The following KATNA1 variants were observed in gnomAD, a reference collection of about 807,000 sequenced individuals.
KATNA1 encodes the protein katanin catalytic subunit A1, also known as katanin p60 ATPase-containing subunit A1.
A neutral mutation model predicts 62.6 loss-of-function variants in KATNA1; 42 were observed. The observed-to-expected ratio is 0.67, with a 90% CI of 0.52 to 0.87. The LOEUF (loss-of-function observed/expected upper bound fraction) is 0.87, where lower values mean the gene tolerates loss of function less well. KATNA1 is among the 40% of genes least tolerant of loss of function. The pLI is 0.00. For missense variants in KATNA1, 498 were observed against 612.5 expected (o/e 0.81, Z 1.97); for synonymous variants, 186 against 201.9 (o/e 0.92, Z 0.67).
chr6:149,619,700 T>C (rs1166725300), intron 4 of KATNA1, among the ~76,000 whole-genome samples: 2 of 152,112 alleles, frequency 1.3e-5, no homozygotes, highest in Non-Finnish European at 2.9e-5. Flanking sequence ...TGTAAGATGA[T>C]ATAGCCACTA....
intron 3 of KATNA1, among the ~76,000 whole-genome samples, chr6:149,627,527 C>T (rs1259851339): frequency 1.4e-5 from 1 of 69,582 alleles, no homozygotes; most frequent in Admixed American, 1.6e-4. Context: ...GACTCCATCT[C>T]AAAAAAAAAA....
intron 2 of KATNA1, among the ~76,000 whole-genome samples, chr6:149,637,048 T>C (rs9766886): frequency 0.46 from 69,668 of 151,978 alleles, 17,222 homozygotes; most frequent in East Asian, 0.81. Flanking sequence ...TTTTAAATTT[T>C]TGTTAGTCCT....
intron 2 of KATNA1, among the ~76,000 whole-genome samples, chr6:149,638,049 C>T (rs571015878): frequency 2.0e-5 from 3 of 152,248 alleles, no homozygotes; most frequent in East Asian, 1.9e-4. Flanking sequence ...AAGCATAGCT[C>T]ACTGCAGCCT....
At position 149,638,520 on chromosome 6, in the gene KATNA1, C is replaced by A; in HGVS notation, c.28G>T (p.Val10Leu). The change falls in exon 2 of 11, where the codon GTA (valine) becomes TTA (leucine). Residue 10 changes from valine to leucine, a missense_variant. Physicochemically the swap from Val to Leu is conservative, Grantham distance 32. Around this residue, in one of 3 missense-constraint regions of KATNA1, gnomAD observed 28 missense variants for 41.6 expected, o/e 0.67. Coordinates refer to ENST00000367411, the MANE Select transcript of KATNA1 (RefSeq NM_007044.4). MSLLMISEN[V>L]KLAREYALLG... ...AATGCATATTCACGAGCCAATTTTA[C>A]ATTCTCACTAATCATAAGAAGACTC... 1 of 1,613,540 alleles carries A rather than the reference C, an allele frequency of 6.2e-7. No individual in the cohort carries two copies. The highest frequency in any genetic ancestry group is 1.1e-5 in the South Asian group (1 of 91,052).
intron 2 of KATNA1, among the ~76,000 whole-genome samples, chr6:149,636,458 G>T (rs1780067355): frequency 8.3e-6 from 1 of 120,266 alleles, no homozygotes; most frequent in Non-Finnish European, 1.7e-5. Context: ...TGCCCTTTCT[G>T]GTAATTACAT....
intron 2 of KATNA1, among the ~76,000 whole-genome samples, chr6:149,634,174 G>A (rs985372267): frequency 1.2e-4 from 18 of 151,082 alleles, no homozygotes; most frequent in Non-Finnish European, 2.7e-4. Context: ...TTGGGAGGCC[G>A]AGCCACAACA....
At chr6:149,616,070 T>G (rs1582775005) in intron 4 of KATNA1, among the ~76,000 whole-genome samples, 1 of 151,368 alleles carries the variant, frequency 6.6e-6, no homozygotes, top group Admixed American at 6.6e-5. Context: ...GCAGGGAGGG[T>G]GAATGGTGAG....
At chr6:149,607,365 T>TA (rs755152683) in intron 4 of KATNA1, among the ~76,000 whole-genome samples, 2 of 152,156 alleles carry the variant, frequency 1.3e-5, no homozygotes, top group Non-Finnish European at 2.9e-5. Flanking sequence ...CCTATAATTC[T>TA]AGCACTTAGG....
intron 10 of KATNA1, 68 bp from the exon 11 acceptor site, chr6:149,595,302 T>G: frequency 2.3e-6 from 3 of 1,288,258 alleles, no homozygotes; most frequent in Middle Eastern, 3.7e-4. Context: ...AACCTGTTAA[T>G]AGAAAAATTT....
Position 149,638,366 on chromosome 6 carries a change from A to T in KATNA1, c.162+20T>A. 12 of 1,606,220 alleles carry T rather than the reference A, an allele frequency of 7.5e-6. No homozygotes were observed. The highest frequency in any genetic ancestry group is 1.0e-5 in the Non-Finnish European group (12 of 1,176,156). On this transcript the variant is annotated intron_variant, in intron 2 of 10. Coordinates refer to ENST00000367411, the MANE Select transcript of KATNA1 (RefSeq NM_007044.4). ...CCGAGTACTTAAGCCATTAAAACAT[A>T]CAGCAGCCATTACTCTCACCTGTTG...
chr6:149,613,710 T>G (rs1333172983), intron 4 of KATNA1, among the ~76,000 whole-genome samples: 1 of 152,110 alleles, frequency 6.6e-6, no homozygotes, highest in African/African-American at 2.4e-5. Context: ...GAAACCTGGA[T>G]AGTAAATGAC....
chr6:149,594,972 A>C lies in KATNA1; in HGVS notation c.*64T>G. 7.7e-7 allele frequency: 1 copy of C among 1,301,702 alleles called. No homozygotes were observed. Among genetic ancestry groups the C allele is most frequent in the Non-Finnish European group, 1.1e-6 (1 of 908,678 alleles). 80.6% of individuals were successfully genotyped at this position (1,301,702 alleles called of 1,614,324 possible). A position where few individuals can be genotyped will look rare whatever the true frequency, so the allele number is the denominator to read the frequency against. The stretch of plus-strand genomic sequence containing the variant: ...TAAAAAAAATATAGCACTCAGTACA[A>C]TGAATTACTGCATTTAATATTCAAA... On this transcript the variant is annotated 3_prime_UTR_variant, in exon 11 of 11. Coordinates refer to ENST00000367411, the MANE Select transcript of KATNA1 (RefSeq NM_007044.4).
At chr6:149,643,167 G>A (rs557660700) in intron 1 of KATNA1, among the ~76,000 whole-genome samples, 1 of 152,328 alleles carries the variant, frequency 6.6e-6, no homozygotes, top group Admixed American at 6.5e-5. Flanking sequence ...GTGAGGAACT[G>A]AGACCCTCAG....
At chr6:149,628,771 G>C (rs1289316540) in intron 3 of KATNA1, among the ~76,000 whole-genome samples, 1 of 149,222 alleles carries the variant, frequency 6.7e-6, no homozygotes, top group Non-Finnish European at 1.5e-5. Flanking sequence ...AGTGAGCTGA[G>C]ATTGTGCCAC....
At chr6:149,635,320 A>C (rs1425481344) in intron 2 of KATNA1, among the ~76,000 whole-genome samples, 3 of 152,138 alleles carry the variant, frequency 2.0e-5, no homozygotes, top group Non-Finnish European at 4.4e-5. Flanking sequence ...ATTCAACTGT[A>C]TTATAGTAAT....
chr6:149,638,789 C>T (rs1466785207), intron 1 of KATNA1, among the ~76,000 whole-genome samples: 3 of 129,044 alleles, frequency 2.3e-5, no homozygotes, highest in Non-Finnish European at 3.1e-5. Flanking sequence ...CCGGCTGGAG[C>T]GCAATGGCAT....
chr6:149,611,765 C>G (rs1000468814), intron 4 of KATNA1, among the ~76,000 whole-genome samples: 5 of 151,996 alleles, frequency 3.3e-5, no homozygotes, highest in African/African-American at 1.2e-4. Flanking sequence ...TTTGGGAGGT[C>G]AAGGTGGGTG....
Position 149,605,294 on chromosome 6 carries a change from C to A in KATNA1, c.502-512G>T, listed in dbSNP as rs374741195. Among the ~76,000 whole-genome samples the A allele has an allele frequency of 1.9e-4, 29 of 152,030 alleles. No individual in the cohort carries two copies. In the East Asian group the frequency reaches 4.6e-3, roughly 24 times the overall value. ...AAGTATCAAAGAAAAATAAAAATGACCATGCAAATGAACTGGCTAGCATAA... is the reference window on the plus strand; with the variant it reads ...AAGTATCAAAGAAAAATAAAAATGAACATGCAAATGAACTGGCTAGCATAA... On this transcript the variant is annotated intron_variant, in intron 4 of 10. Transcript: ENST00000367411.
chr6:149,633,376 G>A (rs1254096520), intron 2 of KATNA1, among the ~76,000 whole-genome samples: 1 of 151,838 alleles, frequency 6.6e-6, no homozygotes, highest in Non-Finnish European at 1.5e-5. Flanking sequence ...CAAAATGCTG[G>A]GATTACAGGC....
Sources: allele counts gnomAD v4.1 joint callset (sites outside exome capture counted in the v4.1 genomes callset), GRCh38; gene constraint gnomAD v4.1.1; regional missense constraint gnomAD v4.1.1; transcripts MANE v1.5; gene names NCBI Gene and HGNC (gene_info 2026-07-23, HGNC 2026-07-21).